The following NGLY1 variants were observed in gnomAD, a reference collection of about 807,000 sequenced individuals.
The protein encoded by NGLY1 is peptide-N(4)-(N-acetyl-beta-glucosaminyl)asparagine amidase.
NGLY1 carries 68 observed loss-of-function variants against 84.6 expected under a neutral mutation model. The ratio of observed to expected loss-of-function variants is 0.80; its 90% CI spans 0.66 to 0.98. The LOEUF (loss-of-function observed/expected upper bound fraction) is 0.98. Among genes scored for constraint, NGLY1 ranks in the 50% least tolerant of loss-of-function variants. The pLI, the probability that NGLY1 is intolerant of heterozygous loss-of-function variation, is 0.00. For missense variants in NGLY1, 779 were observed against 770.2 expected (o/e 1.01, Z -0.14); for synonymous variants, 280 against 275.2 (o/e 1.02, Z -0.17).
intron 3 of NGLY1, among the ~76,000 whole-genome samples, chr3:25,751,972 T>G (rs550797019): frequency 1.3e-5 from 2 of 152,168 alleles, no homozygotes; most frequent in African/African-American, 2.4e-5. Flanking sequence ...CACATCCCAC[T>G]GTGCAACATG....
intron 1 of NGLY1, among the ~76,000 whole-genome samples, chr3:25,781,777 A>G (rs1708430263): frequency 6.6e-6 from 1 of 152,238 alleles, no homozygotes; most frequent in African/African-American, 2.4e-5. Context: ...TTGCATGCAA[A>G]GGTTTCCCCC....
At chr3:25,763,945 A>G (rs1707431801) in intron 3 of NGLY1, 121 bp downstream of exon 3, 4 of 1,307,364 alleles carry the variant, frequency 3.1e-6, no homozygotes, top group Middle Eastern at 2.1e-4. Context: ...TTTTAGAGTT[A>G]TAAGAACTAA....
At chr3:25,727,252 T>TA (rs376272097) in intron 10 of NGLY1, among the ~76,000 whole-genome samples, 7 of 152,052 alleles carry the variant, frequency 4.6e-5, no homozygotes, top group African/African-American at 1.7e-4. Flanking sequence ...TCACTCAACT[T>TA]AAAAAAAATG....
At chr3:25,788,738 A>C (rs1708656626) in intron 1 of NGLY1, among the ~76,000 whole-genome samples, 1 of 152,252 alleles carries the variant, frequency 6.6e-6, no homozygotes, top group Non-Finnish European at 1.5e-5. Context: ...GTGTTACTTT[A>C]TAACCACATG....
At chr3:25,761,698 C>A (rs1707329912) in intron 3 of NGLY1, among the ~76,000 whole-genome samples, 1 of 152,128 alleles carries the variant, frequency 6.6e-6, no homozygotes. Context: ...AGTGGTTCCA[C>A]TCCTAGGAAT....
chr3:25,737,522 C>A, intron 5 of NGLY1, 67 bp from the exon 6 acceptor site: 2 of 1,310,530 alleles, frequency 1.5e-6, no homozygotes, highest in Non-Finnish European at 2.1e-6. Flanking sequence ...TACATTACCT[C>A]TATGCTAAAC....
At position 25,737,474 on chromosome 3, in the gene NGLY1, A is replaced by T; in HGVS notation, c.882-19T>A. 6.4e-7 allele frequency: 1 copy of T among 1,552,272 alleles called. No individual in the cohort carries two copies. The highest frequency in any genetic ancestry group is 8.8e-7 in the Non-Finnish European group (1 of 1,139,394). ...ATTATATCTGGTTTAAAAAGAAAAAAAACCTTAATTATCAAAATCAAGATT... is the reference window on the plus strand; with the variant it reads ...ATTATATCTGGTTTAAAAAGAAAAATAACCTTAATTATCAAAATCAAGATT... On this transcript the variant is annotated intron_variant, in intron 5 of 11. Transcript: ENST00000280700.
chr3:25,746,446 T>C (rs920282220), intron 4 of NGLY1, among the ~76,000 whole-genome samples: 6 of 152,250 alleles, frequency 3.9e-5, no homozygotes, highest in Admixed American at 2.6e-4. Context: ...GATGAAGTTA[T>C]TGATAGTTTG....
chr3:25,720,046 C>T lies in NGLY1; in HGVS notation c.1757G>A (p.Arg586Gln), dbSNP rs376913179. ...CAGTTCTACTTGTGCTGTATCAGAT[C>T]GCAATTTCCATTCTACTGTTCCAGT... ...FQTGTVEWKL[R>Q]SDTAQVELTG... Residue 586 changes from arginine to glutamine, a missense_variant, in exon 11 of 12, where the codon CGA becomes CAA. By Grantham distance (43) the Arg-to-Gln change is conservative. Transcript: ENST00000280700. The T allele has an allele frequency of 3.3e-5, 54 of 1,613,216 alleles. No homozygotes were observed. Among genetic ancestry groups the T allele is most frequent in the East Asian group, 2.7e-4 (12 of 44,854 alleles).
Position 25,729,296 on chromosome 3 carries a change from G to T in NGLY1, c.1448C>A (p.Pro483His), listed in dbSNP as rs763452939. ...TTTAGAAATCTTCTCATTTTCACAG[G>T]GAATAAACAAGGTTTCTTTTCTCTT... ...GLQRKETLFI[P>H]CENEKISKQL... Residue 483 changes from proline to histidine, a missense_variant, in exon 10 of 12, where the codon CCC becomes CAC. By Grantham distance (77) the Pro-to-His change is moderately conservative. Coordinates refer to ENST00000280700, the MANE Select transcript of NGLY1 (RefSeq NM_018297.4). 1.4e-6 allele frequency: 2 copies of T among 1,422,014 alleles called. No homozygotes were observed. The highest frequency in any genetic ancestry group is 9.3e-7 in the Non-Finnish European group (1 of 1,074,374). 88.1% of individuals were successfully genotyped at this position (1,422,014 alleles called of 1,614,324 possible).
Position 25,764,280 on chromosome 3 carries a change from G to A in NGLY1, c.278C>T (p.Ala93Val). 1 of 1,613,922 alleles carries A rather than the reference G, an allele frequency of 6.2e-7. No homozygotes were observed. The highest frequency in any genetic ancestry group is 8.5e-7 in the Non-Finnish European group (1 of 1,179,964). The change falls in exon 3 of 12, where the codon GCT (alanine) becomes GTT (valine). Residue 93 changes from alanine to valine, a missense_variant. Transcript: ENST00000280700. The stretch of plus-strand genomic sequence containing the variant: ...AATTTTTTGCAGCTGCTCCACTGAA[G>A]CTTTTTTAGGAAAGATGAGATGTGT... ...GETHLIFPKK[A>V]SVEQLQKIRD...
chr3:25,766,694 T>A (rs1707594780), intron 2 of NGLY1, among the ~76,000 whole-genome samples: 1 of 152,038 alleles, frequency 6.6e-6, no homozygotes, highest in Admixed American at 6.6e-5. Flanking sequence ...TATGAAGGCA[T>A]CTGATCTCAT....
chr3:25,773,757 A>G (rs1321073293), intron 2 of NGLY1, among the ~76,000 whole-genome samples: 2 of 152,106 alleles, frequency 1.3e-5, no homozygotes, highest in Admixed American at 1.3e-4. Context: ...ATGTCAGAGG[A>G]AGGATCAGGG....
chr3:25,749,787 C>T, intron 4 of NGLY1: 3 of 1,349,986 alleles, frequency 2.2e-6, no homozygotes, highest in Non-Finnish European at 3.1e-6. Context: ...GCTGAGATTG[C>T]TCACAATGTT....
In NGLY1 at chr3:25,736,527, AG is replaced by A. The variant is rs573025171; in HGVS notation, c.1004-379del. On this transcript the variant is annotated intron_variant, in intron 6 of 11. Coordinates refer to ENST00000280700, the MANE Select transcript of NGLY1 (RefSeq NM_018297.4). ...CTGGACTTTAAGGCCCAGAACCAGC[AG>A]GAAGTCTAATAGAATCTCTGGTCAA... 996 of 649,792 alleles carry A rather than the reference AG, an allele frequency of 1.5e-3. 9 individuals carry two copies. The African/African-American group carries it at 0.016, about 11-fold the overall frequency. 40.3% of individuals were successfully genotyped at this position (649,792 alleles called of 1,614,324 possible). A position where few individuals can be genotyped will look rare whatever the true frequency, so the allele number is the denominator to read the frequency against.
chr3:25,736,260 G>A, intron 6 of NGLY1, 111 bp from the exon 7 acceptor site: 1 of 1,551,304 alleles, frequency 6.4e-7, no homozygotes, highest in Non-Finnish European at 8.7e-7. Context: ...ATAATATTCT[G>A]AATTTCAGTT....
At chr3:25,737,496 G>A in intron 5 of NGLY1, 41 bp from the exon 6 acceptor site, 1 of 1,457,376 alleles carries the variant, frequency 6.9e-7, no homozygotes. Context: ...TCAAAATCAA[G>A]ATTTTTAAGA....
chr3:25,746,099 A>G (rs1193025634), intron 4 of NGLY1, among the ~76,000 whole-genome samples: 1 of 152,158 alleles, frequency 6.6e-6, no homozygotes, highest in Non-Finnish European at 1.5e-5. Flanking sequence ...GTCAACCAAA[A>G]TATGGTTTCA....
chr3:25,750,914 G>T (rs1394779287), intron 4 of NGLY1, among the ~76,000 whole-genome samples, 184 bp downstream of exon 4: 1 of 152,114 alleles, frequency 6.6e-6, no homozygotes, highest in African/African-American at 2.4e-5. Context: ...TGTATATAAA[G>T]AGTTGACCCT....
Sources: gnomAD v4.1 joint callset for allele counts (sites outside exome capture counted in the v4.1 genomes callset) on GRCh38, gnomAD v4.1.1 for gene constraint, MANE v1.5 for transcripts, NCBI Gene and HGNC (gene_info 2026-07-23, HGNC 2026-07-21) for gene names.